OSBPL9: variants seen among roughly 807,000 people sequenced by gnomAD.
OSBPL9 encodes the protein oxysterol binding protein like 9.
Under a neutral mutation model 106.6 loss-of-function variants are expected in OSBPL9, and 40 were observed. That is an observed-to-expected ratio of 0.38 (90% CI 0.29 to 0.49). The LOEUF (loss-of-function observed/expected upper bound fraction) is 0.49. Ranked by LOEUF, OSBPL9 falls within the 20% of genes least tolerant of loss-of-function variation. OSBPL9 has a pLI of 0.97. For missense variants in OSBPL9, 609 were observed against 887.2 expected (o/e 0.69, Z 3.98); for synonymous variants, 269 against 295.4 (o/e 0.91, Z 0.92).
intron 4 of OSBPL9, chr1:51,730,014 C>A: frequency 3.1e-6 from 4 of 1,311,118 alleles, no homozygotes; most frequent in Non-Finnish European, 3.9e-6. Context: ...GAGTAGACCC[C>A]GAGGGTCTGG....
chr1:51,632,557 A>G (rs1645171356), intron 1 of OSBPL9, among the ~76,000 whole-genome samples: 1 of 117,152 alleles, frequency 8.5e-6, no homozygotes, highest in South Asian at 2.4e-4. Context: ...CATTATCACA[A>G]TTAAATAAAC....
chr1:51,633,555 C>G (rs1645237675), intron 1 of OSBPL9, among the ~76,000 whole-genome samples: 2 of 151,630 alleles, frequency 1.3e-5, no homozygotes, highest in African/African-American at 4.8e-5. Context: ...CCTGCCAGTC[C>G]ACTCCAGCCC....
At chr1:51,632,667 G>T (rs1363958663) in intron 1 of OSBPL9, among the ~76,000 whole-genome samples, 1 of 120,410 alleles carries the variant, frequency 8.3e-6, no homozygotes, top group Admixed American at 8.1e-5. Flanking sequence ...GATGGGGGGA[G>T]AAGTGGCGGG....
At position 51,788,767 on chromosome 1, in the gene OSBPL9, A is replaced by ATAGAT. The variant is rs1221076786; in HGVS notation, c.*979_*983dup. On this transcript the variant is annotated 3_prime_UTR_variant, in exon 24 of 24. Transcript: ENST00000428468. ...GATCCCCACCCCACAGTGAACAAAA[A>ATAGAT]TAGATAGATAGATAGAATAAAATGA... Among the ~76,000 whole-genome samples the ATAGAT allele has an allele frequency of 5.0e-5, 7 of 141,068 alleles. No individual in the cohort carries two copies. Among genetic ancestry groups the ATAGAT allele is most frequent in the African/African-American group, 8.4e-5 (3 of 35,594 alleles). 92.5% of individuals were successfully genotyped at this position (141,068 alleles called of 152,430 possible).
chr1:51,614,479 T>C (rs1474475139), upstream of OSBPL9: 2 of 151,364 alleles, frequency 1.3e-5, no homozygotes, highest in African/African-American at 4.9e-5. Context: ...TAAATTTTAT[T>C]TTTTTTGTAG....
chr1:51,624,845 T>C (rs897006656), intron 1 of OSBPL9, among the ~76,000 whole-genome samples: 1 of 152,232 alleles, frequency 6.6e-6, no homozygotes, highest in East Asian at 1.9e-4. Context: ...AGTACATTCT[T>C]TATCTGTACA....
chr1:51,534,994 CCT>C, the OSBPL9 span, among the ~76,000 whole-genome samples: 1 of 152,238 alleles, frequency 6.6e-6, no homozygotes, highest in South Asian at 2.1e-4. Flanking sequence ...ACCCTCTCAC[CCT>C]CTTACTCCTC....
intron 14 of OSBPL9, among the ~76,000 whole-genome samples, chr1:51,775,904 C>T (rs1227307407): frequency 6.6e-6 from 1 of 152,134 alleles, no homozygotes; most frequent in Non-Finnish European, 1.5e-5. Context: ...AGCCAGTATG[C>T]CCAGCCTCCA....
the OSBPL9 span, among the ~76,000 whole-genome samples, chr1:51,558,376 G>A: frequency 6.6e-6 from 1 of 152,094 alleles, no homozygotes; most frequent in Non-Finnish European, 1.5e-5. Flanking sequence ...TAACAAAATA[G>A]AAATTATGAC....
At chr1:51,758,424 G>GAAA (rs762203289) in intron 9 of OSBPL9, among the ~76,000 whole-genome samples, 2 of 124,428 alleles carry the variant, frequency 1.6e-5, no homozygotes, top group African/African-American at 2.9e-5. Context: ...CCTATTTTCA[G>GAAA]AAAAAAAAAA....
chr1:51,760,120 C>T (rs1453285719), intron 9 of OSBPL9: 3 of 152,492 alleles, frequency 2.0e-5, no homozygotes, highest in African/African-American at 4.8e-5. Context: ...TATATGGGAG[C>T]GTATGTGTAG....
intron 1 of OSBPL9, among the ~76,000 whole-genome samples, chr1:51,585,727 G>A (rs1435773229): frequency 6.6e-6 from 1 of 151,936 alleles, no homozygotes; most frequent in Non-Finnish European, 1.5e-5. Context: ...AGTGAGCTGA[G>A]ATCGTGCCAC....
At chr1:51,686,049 A>C (rs1653722865) in intron 3 of OSBPL9, among the ~76,000 whole-genome samples, 1 of 152,168 alleles carries the variant, frequency 6.6e-6, no homozygotes, top group East Asian at 1.9e-4. Flanking sequence ...GATTTAAATC[A>C]AGTGGAGATG....
rs74882962 is a variant in OSBPL9, at chr1:51,719,799, A to G, written c.318+5720A>G. ...TATAGAACTATACATCCAAAAGAAAATTTCAAGTTAAACATAATACAAAGC... is the reference window on the plus strand; with the variant it reads ...TATAGAACTATACATCCAAAAGAAAGTTTCAAGTTAAACATAATACAAAGC... On this transcript the variant is annotated intron_variant, in intron 4 of 23. Coordinates refer to ENST00000428468, the MANE Select transcript of OSBPL9 (RefSeq NM_024586.6). Among the ~76,000 whole-genome samples, 1,309 of 152,334 alleles carry G rather than the reference A, an allele frequency of 8.6e-3. 21 individuals are homozygous for G. Among genetic ancestry groups the G allele is most frequent in the African/African-American group, 0.03 (1,266 of 41,578 alleles).
chr1:51,669,810 A>C (rs1359909168), intron 3 of OSBPL9: 2 of 527,574 alleles, frequency 3.8e-6, no homozygotes, highest in Non-Finnish European at 7.3e-6. Flanking sequence ...TTGTGTTTAC[A>C]GAAGGTTGCT....
intron 2 of OSBPL9, among the ~76,000 whole-genome samples, chr1:51,663,256 C>T (rs1175422609): frequency 6.6e-6 from 1 of 151,540 alleles, no homozygotes; most frequent in African/African-American, 2.4e-5. Context: ...ACTGGCAAAT[C>T]CCAGTTTATT....
At chr1:51,653,881 A>G (rs1370091212) in intron 2 of OSBPL9, among the ~76,000 whole-genome samples, 1 of 152,216 alleles carries the variant, frequency 6.6e-6, no homozygotes, top group Non-Finnish European at 1.5e-5. Context: ...ACATGCCTAT[A>G]GTCCCAGCTA....
intron 2 of OSBPL9, among the ~76,000 whole-genome samples, chr1:51,668,103 G>C (rs1037418129): frequency 6.6e-6 from 1 of 152,090 alleles, no homozygotes; most frequent in Non-Finnish European, 1.5e-5. Flanking sequence ...TTGTCCCCTT[G>C]AGTCATTTCA....
chr1:51,599,062 A>G (rs976697155), intron 2 of OSBPL9, among the ~76,000 whole-genome samples: 1 of 152,058 alleles, frequency 6.6e-6, no homozygotes, highest in African/African-American at 2.4e-5. Flanking sequence ...AATACTAGCA[A>G]CTTAGCTCAG....
Sources: allele counts gnomAD v4.1 joint callset (sites outside exome capture counted in the v4.1 genomes callset), GRCh38; gene constraint gnomAD v4.1.1; transcripts MANE v1.5; gene names NCBI Gene and HGNC (gene_info 2026-07-23, HGNC 2026-07-21).